Variants in RAB1A observed in about 807,000 individuals in gnomAD.
The protein encoded by RAB1A is ras-related protein Rab-1A.
RAB1A carries 2 observed loss-of-function variants against 26.0 expected under a neutral mutation model. That is an observed-to-expected ratio of 0.08 (90% CI 0.03 to 0.24). The LOEUF is 0.24. Among genes scored for constraint, RAB1A ranks in the 10% least tolerant of loss-of-function variants. The pLI is 1.00. For synonymous variants in RAB1A, 84 were observed against 84.9 expected (o/e 0.99, Z 0.06); for missense variants, 100 against 247.0 (o/e 0.40, Z 3.99).
In RAB1A at chr2:65,092,307, T is replaced by C. The variant is rs555764421; in HGVS notation, c.193-1229A>G. ...AAAAAAGAGGCTCAAAGTCTTTCAG[T>C]GTATCCTTGGAGGAAGCATGAACTC... On this transcript the variant is annotated intron_variant, in intron 3 of 5. Transcript: ENST00000409784. Among the ~76,000 whole-genome samples, 10 of 150,870 alleles carry C rather than the reference T, an allele frequency of 6.6e-5. No individual in the cohort carries two copies. The East Asian group carries it at 1.7e-3, about 26-fold the overall frequency.
chr2:65,116,133 G>C (rs1052131244), intron 1 of RAB1A, among the ~76,000 whole-genome samples: 1 of 151,940 alleles, frequency 6.6e-6, no homozygotes, highest in African/African-American at 2.4e-5. Flanking sequence ...CTCCAGCCTG[G>C]ACAACAGAGT....
intron 2 of RAB1A, among the ~76,000 whole-genome samples, chr2:65,103,298 T>TCAAAAAAAAAAAAA (rs1553392745): frequency 3.0e-4 from 2 of 6,708 alleles, no homozygotes; most frequent in African/African-American, 1.2e-3. Flanking sequence ...AGAATCTGTC[T>TCAAAAAAAAAAAAA]CAAAAAAAAA....
At chr2:65,114,812 T>C (rs1304938933) in intron 1 of RAB1A, among the ~76,000 whole-genome samples, 1 of 149,544 alleles carries the variant, frequency 6.7e-6, no homozygotes, top group Non-Finnish European at 1.5e-5. Context: ...GCCACTGCAG[T>C]CCGCAGTCCG....
Position 65,091,089 on chromosome 2 carries a change from ACAAT to A in RAB1A, c.193-15_193-12del. The A allele has an allele frequency of 6.3e-7, 1 of 1,596,702 alleles. No homozygotes were observed. ...GCCTGCTGTGTCCCACTATTACAAA[ACAAT>A]CAAGAAATCCAAACAATTCCATTAA... On this transcript the variant is annotated splice_polypyrimidine_tract_variant and intron_variant, in intron 3 of 5. Transcript: ENST00000409784.
chr2:65,101,742 CTTTTTT>C (rs71401771), intron 2 of RAB1A, among the ~76,000 whole-genome samples: 8 of 70,662 alleles, frequency 1.1e-4, no homozygotes, highest in African/African-American at 2.0e-4. Context: ...GTATTACTTC[CTTTTTT>C]TTTTTTTTTT....
intron 1 of RAB1A, among the ~76,000 whole-genome samples, chr2:65,110,257 T>C (rs963590260): frequency 4.0e-5 from 6 of 151,854 alleles, no homozygotes; most frequent in Admixed American, 6.6e-5. Flanking sequence ...CTGGCTAACA[T>C]GGTGAAACCC....
chr2:65,129,395 C>A (rs1350435491), intron 1 of RAB1A, among the ~76,000 whole-genome samples: 2 of 152,014 alleles, frequency 1.3e-5, no homozygotes, highest in East Asian at 1.9e-4. Flanking sequence ...TGAAACCTGG[C>A]GGGGAGGATG....
At chr2:65,121,754 A>G (rs1669967623) in intron 1 of RAB1A, among the ~76,000 whole-genome samples, 1 of 152,210 alleles carries the variant, frequency 6.6e-6, no homozygotes, top group Admixed American at 6.6e-5. Flanking sequence ...AAACAAAGGA[A>G]TAGTCTAATT....
intron 1 of RAB1A, among the ~76,000 whole-genome samples, chr2:65,109,214 G>A (rs1669638768): frequency 6.6e-6 from 1 of 152,162 alleles, no homozygotes; most frequent in Non-Finnish European, 1.5e-5. Flanking sequence ...AATGTTGATA[G>A]AAAATATACA....
At chr2:65,122,151 A>C (rs1208534623) in intron 1 of RAB1A, among the ~76,000 whole-genome samples, 1 of 94,650 alleles carries the variant, frequency 1.1e-5, no homozygotes, top group South Asian at 4.2e-4. Context: ...GCAAGACTCT[A>C]TCTCAAAAAA....
chr2:65,094,061 C>G (rs1669230329), intron 3 of RAB1A, among the ~76,000 whole-genome samples: 1 of 151,924 alleles, frequency 6.6e-6, no homozygotes. Context: ...ACCTCCATCT[C>G]CGGGCTCAAG....
chr2:65,111,636 T>C (rs573383327), intron 1 of RAB1A, among the ~76,000 whole-genome samples: 2 of 152,338 alleles, frequency 1.3e-5, no homozygotes, highest in East Asian at 3.9e-4. Flanking sequence ...TGTTTATTTC[T>C]TAATTTGGAC....
chr2:65,122,615 G>A (rs1027666779), intron 1 of RAB1A, among the ~76,000 whole-genome samples: 11 of 151,840 alleles, frequency 7.2e-5, no homozygotes, highest in African/African-American at 2.2e-4. Context: ...ATCTCAAAAC[G>A]TTAAGAAGCA....
chr2:65,105,916 C>T (rs1669545557), intron 1 of RAB1A, among the ~76,000 whole-genome samples: 2 of 152,184 alleles, frequency 1.3e-5, no homozygotes, highest in African/African-American at 4.8e-5. Context: ...GCATGCGCCA[C>T]CACGCCCAGC....
rs1479070092 is a variant in RAB1A at position 65,088,416 on chromosome 2, C to T, written c.*77G>A. ...TGTTGTAGTGCAGCTACATACAGTA[C>T]AATTCAGGCAATTTTGTTTTTTCAC... On this transcript the variant is annotated 3_prime_UTR_variant, in exon 6 of 6. Coordinates refer to ENST00000409784, the MANE Select transcript of RAB1A (RefSeq NM_004161.5). 2.5e-5 allele frequency: 31 copies of T among 1,245,326 alleles called. No individual in the cohort carries two copies. Among genetic ancestry groups the T allele is most frequent in the Non-Finnish European group, 3.3e-5 (30 of 901,772 alleles). The allele number at this position is 1,245,326 out of a possible 1,614,324, so 77.1% of individuals were successfully genotyped here.
chr2:65,129,799 G>A (rs1018675556), intron 1 of RAB1A, 94 bp downstream of exon 1: 1 of 1,534,454 alleles, frequency 6.5e-7, no homozygotes, highest in South Asian at 1.2e-5. Flanking sequence ...CACCCCAGCC[G>A]ATGCCCCGAC....
At chr2:65,090,153 TAG>T (rs1160792681) in intron 4 of RAB1A, among the ~76,000 whole-genome samples, 2 of 152,298 alleles carry the variant, frequency 1.3e-5, no homozygotes, top group Admixed American at 6.5e-5. Flanking sequence ...ACGGTAATAG[TAG>T]AGATTTTTTA....
chr2:65,107,297 T>C (rs530488654), intron 1 of RAB1A, among the ~76,000 whole-genome samples: 26 of 151,624 alleles, frequency 1.7e-4, no homozygotes, highest in African/African-American at 5.3e-4. Flanking sequence ...GCTCCTAACC[T>C]CAGGTAATCT....
chr2:65,092,017 G>A (rs2103823912), intron 3 of RAB1A, among the ~76,000 whole-genome samples: 1 of 152,360 alleles, frequency 6.6e-6, no homozygotes, highest in Middle Eastern at 3.4e-3. Flanking sequence ...GCTCACGCCT[G>A]TAATCCCAGC....
Sources: allele counts gnomAD v4.1 joint callset (sites outside exome capture counted in the v4.1 genomes callset), GRCh38; gene constraint gnomAD v4.1.1; transcripts MANE v1.5; gene names NCBI Gene and HGNC (gene_info 2026-07-23, HGNC 2026-07-21).